LRRC49: variants seen among roughly 807,000 people sequenced by gnomAD.
LRRC49 encodes leucine rich repeat containing 49, also known as leucine-rich repeat-containing protein 49.
A neutral mutation model predicts 83.3 loss-of-function variants in LRRC49; 50 were observed. The ratio of observed to expected loss-of-function variants is 0.60; its 90% CI spans 0.48 to 0.76. LRRC49 has a LOEUF of 0.76. LRRC49 is among the 30% of genes least tolerant of loss of function. LRRC49 has a pLI of 0.00. For synonymous variants in LRRC49, 286 were observed against 283.3 expected (o/e 1.01, Z -0.10); for missense variants, 704 against 809.1 (o/e 0.87, Z 1.58).
chr15:70,911,575 G>A lies in LRRC49; in HGVS notation c.544G>A (p.Val182Ile). 1.3e-6 allele frequency: 2 copies of A among 1,575,824 alleles called. No individual in the cohort carries two copies. Among genetic ancestry groups the A allele is most frequent in the Non-Finnish European group, 1.7e-6 (2 of 1,161,906 alleles). ...SNLENLKSLD[V>I]LDLHGNQITK... ...TCTGGAGAATCTAAAAAGCTTAGAT[G>A]TCTTGGATCTTCATGGAAATCAGGT... Residue 182 changes from valine to isoleucine, a missense_variant, in exon 6 of 16, where the codon GTC becomes ATC. Around this residue, in one of 3 missense-constraint regions of LRRC49, gnomAD observed 261 missense variants for 330.5 expected, o/e 0.79. Transcript: ENST00000260382.
chr15:70,950,927 A>G (rs1409005908), intron 8 of LRRC49, among the ~76,000 whole-genome samples: 4 of 152,012 alleles, frequency 2.6e-5, no homozygotes, highest in Non-Finnish European at 2.9e-5. Flanking sequence ...TGTTGAGTTA[A>G]TTTTTGTATA....
At chr15:70,894,572 C>T (rs2033748845) in intron 2 of LRRC49, 1 of 1,227,806 alleles carries the variant, frequency 8.1e-7, no homozygotes, top group African/African-American at 1.6e-5. Context: ...CTCACCTCAG[C>T]ATTTATACTT....
intron 9 of LRRC49, among the ~76,000 whole-genome samples, chr15:70,975,904 G>A (rs747105651): frequency 2.6e-4 from 40 of 152,026 alleles, no homozygotes; most frequent in Non-Finnish European, 3.2e-4. Context: ...GTGGGAAGAT[G>A]TTTGGCCAAT....
intron 14 of LRRC49, among the ~76,000 whole-genome samples, chr15:71,027,705 T>C (rs541508239): frequency 6.6e-6 from 1 of 152,374 alleles, no homozygotes; most frequent in South Asian, 2.1e-4. Context: ...TTTGTAGCAA[T>C]TGTGAATGGT....
chr15:71,049,027 G>A (rs959850996), intron 15 of LRRC49, among the ~76,000 whole-genome samples: 6 of 152,108 alleles, frequency 3.9e-5, no homozygotes, highest in Non-Finnish European at 8.8e-5. Context: ...AATTGAAATT[G>A]TCACTATCTG....
intron 8 of LRRC49, among the ~76,000 whole-genome samples, chr15:70,943,156 T>C (rs1233185237): frequency 6.6e-6 from 1 of 152,152 alleles, no homozygotes; most frequent in Admixed American, 6.5e-5. Context: ...GTTGATCCTG[T>C]TGAGGTTTAT....
At position 70,865,305 on chromosome 15, in the gene LRRC49, C is replaced by T. The variant is rs115621357; in HGVS notation, c.-298-7603C>T. Among the ~76,000 whole-genome samples, 365 of 152,302 alleles carry T rather than the reference C, an allele frequency of 2.4e-3. 2 individuals carry two copies. Among genetic ancestry groups the T allele is most frequent in the African/African-American group, 8.5e-3 (352 of 41,570 alleles). On this transcript the variant is annotated intron_variant, in intron 1 of 16. Coordinates refer to the LRRC49 transcript ENST00000544974. Reference sequence around the variant, plus strand: ...TATGCACTCTACTGAATTCAAAAATCGTTAAAAATTTATCACCATCTTTTT... The same window carrying T: ...TATGCACTCTACTGAATTCAAAAATTGTTAAAAATTTATCACCATCTTTTT...
At chr15:71,008,675 A>G in intron 12 of LRRC49, 59 bp downstream of exon 12, 1 of 1,225,224 alleles carries the variant, frequency 8.2e-7, no homozygotes, top group Non-Finnish European at 1.2e-6. Context: ...TTGTGTGTTC[A>G]GGCCAAAGAC....
intron 1 of LRRC49, among the ~76,000 whole-genome samples, chr15:70,855,020 C>T (rs1187941547): frequency 6.6e-6 from 1 of 152,086 alleles, no homozygotes; most frequent in Non-Finnish European, 1.5e-5. Flanking sequence ...GACCCAGAAA[C>T]TAGGGACAGG....
At chr15:71,018,640 G>A (rs1200476304) in intron 14 of LRRC49, among the ~76,000 whole-genome samples, 1 of 152,124 alleles carries the variant, frequency 6.6e-6, no homozygotes, top group Admixed American at 6.6e-5. Flanking sequence ...CTACACACTA[G>A]CCAGGCAATT....
chr15:70,931,743 T>A (rs2141150486), intron 7 of LRRC49, among the ~76,000 whole-genome samples: 1 of 152,346 alleles, frequency 6.6e-6, no homozygotes, highest in East Asian at 1.9e-4. Flanking sequence ...TGACTGTTAC[T>A]CATGGTAATT....
chr15:70,860,072 C>T (rs11855912), intron 1 of LRRC49: 412,478 of 727,948 alleles, frequency 0.57, 120,508 homozygotes, highest in Admixed American at 0.73. Flanking sequence ...CTCCTTCAGC[C>T]GCACCGGCTC....
intron 14 of LRRC49, among the ~76,000 whole-genome samples, chr15:71,024,726 C>CAAATGA (rs1202625967): frequency 3.3e-5 from 5 of 151,650 alleles, no homozygotes; most frequent in African/African-American, 1.2e-4. Flanking sequence ...ATCACAACAC[C>CAAATGA]TCTCCAGCAA....
intron 11 of LRRC49, among the ~76,000 whole-genome samples, chr15:71,008,016 T>C (rs1017478033): frequency 6.6e-6 from 1 of 151,780 alleles, no homozygotes; most frequent in Non-Finnish European, 1.5e-5. Context: ...TGTACTTTTT[T>C]CTAGTCAGAA....
At chr15:70,939,144 T>C (rs1039677721) in intron 8 of LRRC49, among the ~76,000 whole-genome samples, 2 of 152,206 alleles carry the variant, frequency 1.3e-5, no homozygotes, top group Non-Finnish European at 1.5e-5. Flanking sequence ...TAGCTTCTTA[T>C]ATTTCCACTA....
chr15:70,970,408 A>G (rs534169487), intron 9 of LRRC49, among the ~76,000 whole-genome samples: 1 of 152,150 alleles, frequency 6.6e-6, no homozygotes, highest in Non-Finnish European at 1.5e-5. Context: ...TTTCGCATTG[A>G]TGTTCATCAG....
chr15:70,855,355 G>GA (rs375399739), intron 1 of LRRC49, among the ~76,000 whole-genome samples: 8 of 145,508 alleles, frequency 5.5e-5, no homozygotes, highest in Non-Finnish European at 1.2e-4. Flanking sequence ...AAAAGAAAAA[G>GA]AAAAAAAAAG....
intron 8 of LRRC49, among the ~76,000 whole-genome samples, chr15:70,959,432 A>G (rs1014997291): frequency 6.8e-6 from 1 of 147,076 alleles, no homozygotes; most frequent in African/African-American, 2.5e-5. Flanking sequence ...CGGAGGTTGC[A>G]GTGAGCCGAG....
At chr15:70,892,635 A>G (rs1462475092), upstream of LRRC49, 1 of 1,448,854 alleles carries the variant, frequency 6.9e-7, no homozygotes, top group African/African-American at 1.4e-5. Context: ...TCCTCCTCCC[A>G]ATACTCCCGC....
Sources: gnomAD v4.1 joint callset for allele counts (sites outside exome capture counted in the v4.1 genomes callset) on GRCh38, gnomAD v4.1.1 for gene constraint, gnomAD v4.1.1 regional missense constraint, MANE v1.5 for transcripts, NCBI Gene and HGNC (gene_info 2026-07-23, HGNC 2026-07-21) for gene names.